Variants in PTPRT observed in about 807,000 individuals in gnomAD.
PTPRT encodes protein tyrosine phosphatase receptor type T.
A neutral mutation model predicts 176.8 loss-of-function variants in PTPRT; 56 were observed. The ratio of observed to expected loss-of-function variants is 0.32; its 90% CI spans 0.26 to 0.40. PTPRT has a LOEUF of 0.40. Among genes scored for constraint, PTPRT ranks in the 10% least tolerant of loss-of-function variants. PTPRT has a pLI of 1.00. For synonymous variants in PTPRT, 783 were observed against 739.0 expected, an observed-to-expected ratio of 1.06 and a Z score of -0.96; for missense variants, 1,540 against 1,908.2, an observed-to-expected ratio of 0.81 and a Z score of 3.60.
At chr20:42,915,315 C>T (rs987527784) in intron 1 of PTPRT, among the ~76,000 whole-genome samples, 1 of 152,188 alleles carries the variant, frequency 6.6e-6, no homozygotes, top group Non-Finnish European at 1.5e-5. Context: ...CAGAAAATGC[C>T]CTCAGGCCTG....
intron 9 of PTPRT, among the ~76,000 whole-genome samples, chr20:42,445,502 C>T (rs1232910056): frequency 2.0e-5 from 3 of 152,112 alleles, no homozygotes; most frequent in Non-Finnish European, 2.9e-5. Context: ...TTTCTTAGGC[C>T]TCACTAGCTT....
At chr20:42,708,607 C>A (rs187547723) in intron 6 of PTPRT, among the ~76,000 whole-genome samples, 1 of 152,224 alleles carries the variant, frequency 6.6e-6, no homozygotes, top group East Asian at 1.9e-4. Flanking sequence ...ATGCTCTACA[C>A]GTTCCACTTT....
intron 16 of PTPRT, among the ~76,000 whole-genome samples, chr20:42,177,425 G>C (rs771732316): frequency 1.3e-5 from 2 of 152,172 alleles, no homozygotes; most frequent in Non-Finnish European, 2.9e-5. Context: ...ACCAAAAAAT[G>C]CAACTAATTA....
chr20:43,002,117 A>C (rs1254878483), intron 1 of PTPRT, among the ~76,000 whole-genome samples: 4 of 152,104 alleles, frequency 2.6e-5, no homozygotes, highest in African/African-American at 9.7e-5. Flanking sequence ...CTGTGCATGC[A>C]CTTTCTCCTT....
chr20:43,008,458 A>C (rs6030604), intron 1 of PTPRT, among the ~76,000 whole-genome samples: 41,723 of 152,014 alleles, frequency 0.27, 6,611 homozygotes, highest in African/African-American at 0.43. Flanking sequence ...GAGGCCAAGG[A>C]GGGCCTTGCC....
At chr20:42,107,307 G>A (rs1336385989) in intron 23 of PTPRT, among the ~76,000 whole-genome samples, 9 of 152,158 alleles carry the variant, frequency 5.9e-5, no homozygotes, top group Non-Finnish European at 1.3e-4. Flanking sequence ...TGAATGACAG[G>A]ACAGAAACGA....
At chr20:42,151,084 T>C (rs1316065143) in intron 17 of PTPRT, among the ~76,000 whole-genome samples, 2 of 152,002 alleles carry the variant, frequency 1.3e-5, no homozygotes, top group African/African-American at 4.8e-5. Context: ...GGTCCACTTG[T>C]AGAAATCATT....
At chr20:42,376,334 A>G (rs902596464) in intron 9 of PTPRT, among the ~76,000 whole-genome samples, 47 of 152,280 alleles carry the variant, frequency 3.1e-4, no homozygotes, top group African/African-American at 1.1e-3. Context: ...CAAGAGTCTC[A>G]TATTAAGGAA....
intron 1 of PTPRT, among the ~76,000 whole-genome samples, chr20:43,068,686 AT>A (rs1316880530): frequency 1.3e-5 from 2 of 152,128 alleles, no homozygotes; most frequent in East Asian, 3.9e-4. Context: ...GGGAGGCAGT[AT>A]TGCCATGAGA....
At chr20:42,198,452 T>C (rs568380527) in intron 16 of PTPRT, among the ~76,000 whole-genome samples, 1 of 152,352 alleles carries the variant, frequency 6.6e-6, no homozygotes. Context: ...GCACAGATTC[T>C]TTGAGACTTC....
At chr20:42,042,552 T>A in the PTPRT span, among the ~76,000 whole-genome samples, 36 of 152,190 alleles carry the variant, frequency 2.4e-4, no homozygotes, top group Non-Finnish European at 4.6e-4. Context: ...TGCATATTCT[T>A]TTGCATAATG....
intron 2 of PTPRT, among the ~76,000 whole-genome samples, chr20:42,818,363 CAA>C (rs35133574): frequency 6.8e-6 from 1 of 146,280 alleles, no homozygotes; most frequent in Admixed American, 6.8e-5. Flanking sequence ...CAAAAAGACC[CAA>C]AAAAAAAACC....
At chr20:43,022,130 C>T (rs989747276) in intron 1 of PTPRT, among the ~76,000 whole-genome samples, 7 of 152,208 alleles carry the variant, frequency 4.6e-5, no homozygotes, top group African/African-American at 1.4e-4. Context: ...AAGCTAGACA[C>T]ATTTTCCAAA....
intron 7 of PTPRT, among the ~76,000 whole-genome samples, chr20:42,500,301 G>T (rs1294901268): frequency 2.6e-5 from 4 of 151,954 alleles, no homozygotes; most frequent in African/African-American, 9.6e-5. Flanking sequence ...AATCACATAA[G>T]CCTCTTTATG....
In PTPRT at chr20:42,102,191, CG is replaced by C; in HGVS notation, c.3646del (p.Arg1216AlafsTer21). The C allele has an allele frequency of 6.2e-7, 1 of 1,614,156 alleles. No individual in the cohort carries two copies. Among genetic ancestry groups the C allele is most frequent in the Non-Finnish European group, 8.5e-7 (1 of 1,180,014 alleles). On this transcript the variant is annotated frameshift_variant, in exon 26 of 31. Transcript: ENST00000373187. LOFTEE classifies it high-confidence loss of function. ...CACTGAGATAAGGAAGGGCAGGCAG[CG>C]GTCCAGAGGCAGCACGTCCATACTT... ...NRSMDVLPLD[R>X]CLPFLISVDG...
intron 7 of PTPRT, among the ~76,000 whole-genome samples, chr20:42,592,807 G>GCC: frequency 6.6e-6 from 1 of 152,264 alleles, no homozygotes; most frequent in Admixed American, 6.5e-5. Context: ...ATGTTATCCA[G>GCC]TCCCTGCCAC....
intron 9 of PTPRT, among the ~76,000 whole-genome samples, chr20:42,360,580 C>A (rs934530573): frequency 1.3e-5 from 2 of 152,204 alleles, no homozygotes; most frequent in South Asian, 4.1e-4. Flanking sequence ...ATGAGTCTGT[C>A]TAGCAATATT....
intron 1 of PTPRT, among the ~76,000 whole-genome samples, chr20:43,093,527 T>G (rs928785534): frequency 4.6e-5 from 7 of 152,236 alleles, no homozygotes; most frequent in African/African-American, 1.7e-4. Flanking sequence ...TGCACAGGTG[T>G]ATGCTCACAC....
chr20:42,228,805 T>C (rs1442640251), intron 15 of PTPRT, among the ~76,000 whole-genome samples: 2 of 152,168 alleles, frequency 1.3e-5, no homozygotes, highest in East Asian at 3.8e-4. Context: ...ATCTAGTCAC[T>C]GGGAAATGAA....
Sources: gnomAD v4.1 joint callset for allele counts (sites outside exome capture counted in the v4.1 genomes callset) on GRCh38, gnomAD v4.1.1 for gene constraint, MANE v1.5 for transcripts, NCBI Gene and HGNC (gene_info 2026-07-23, HGNC 2026-07-21) for gene names.